ATP2B3: variants seen among roughly 807,000 people sequenced by gnomAD.
The protein encoded by ATP2B3 is ATPase plasma membrane Ca2+ transporting 3.
Under a neutral mutation model 70.8 loss-of-function variants are expected in ATP2B3, and 12 were observed. The ratio of observed to expected loss-of-function variants is 0.17; its 90% CI spans 0.11 to 0.27. ATP2B3 has a LOEUF of 0.27. Ranked by LOEUF, ATP2B3 falls within the 10% of genes least tolerant of loss-of-function variation. The pLI, the probability that ATP2B3 is intolerant of heterozygous loss-of-function variation, is 1.00. For synonymous variants in ATP2B3, 460 were observed against 497.8 expected (o/e 0.92, Z 1.01); for missense variants, 858 against 1,118.5 (o/e 0.77, Z 3.32).
chrX:153,564,579 G>C (rs1462877162), intron 20 of ATP2B3, among the ~76,000 whole-genome samples: 1 of 113,070 alleles, frequency 8.8e-6, no homozygotes, highest in East Asian at 2.8e-4. Context: ...TGGAGGATCC[G>C]CTTATCTCTG....
chrX:153,523,858 G>A (rs2089994414), intron 2 of ATP2B3, among the ~76,000 whole-genome samples: 1 of 109,468 alleles, frequency 9.1e-6, no homozygotes. Context: ...ACCACACCCG[G>A]CTAATTTTTG....
chrX:153,519,995 G>T (rs1420207693), intron 2 of ATP2B3, among the ~76,000 whole-genome samples: 1 of 110,325 alleles, frequency 9.1e-6, no homozygotes, highest in Non-Finnish European at 1.9e-5. Context: ...TCGTGAGGGT[G>T]CCTGGGGCTT....
intron 5 of ATP2B3, 98 bp downstream of exon 5, chrX:153,542,024 GT>G: frequency 1.0e-6 from 1 of 1,004,986 alleles, no homozygotes; most frequent in Non-Finnish European, 1.3e-6. Context: ...GTTCTCCCCG[GT>G]GGCCTGCGTG....
chrX:153,546,007 C>T, intron 7 of ATP2B3, 81 bp from the exon 8 acceptor site: 9 of 1,116,353 alleles, frequency 8.1e-6, no homozygotes, highest in Non-Finnish European at 1.1e-5. Flanking sequence ...AATCAGGCCC[C>T]TCCTCCCCAC....
At chrX:153,561,632 G>T (rs782243885) in intron 19 of ATP2B3, among the ~76,000 whole-genome samples, 1 of 112,064 alleles carries the variant, frequency 8.9e-6, no homozygotes, top group African/African-American at 3.2e-5. Context: ...AGCGGTTCCA[G>T]GGCATACGGG....
intron 7 of ATP2B3, 114 bp from the exon 8 acceptor site, chrX:153,545,974 G>A (rs781974353): frequency 5.1e-5 from 40 of 792,052 alleles, no homozygotes; most frequent in Admixed American, 1.3e-4. Flanking sequence ...TGGAGAGGAC[G>A]GGGCATGAAG....
Position 153,526,312 on chromosome X carries a change from G to A in ATP2B3, c.-127+7761G>A, listed in dbSNP as rs190321761. On this transcript the variant is annotated intron_variant, in intron 2 of 21. Coordinates refer to ENST00000263519, the MANE Select transcript of ATP2B3 (RefSeq NM_001001344.3). ...GTCAGGAACTGGAGGAGCAGCTGGT[G>A]GTGGGAGGGTAGGGGGAGCTGATGG... is the stretch of plus-strand genomic sequence containing the variant. Among the ~76,000 whole-genome samples the A allele has an allele frequency of 3.1e-3, 343 of 111,404 alleles. 1 individual carries two copies. Among genetic ancestry groups the A allele is most frequent in the Middle Eastern group, 0.014 (3 of 217 alleles).
At chrX:153,566,981 G>A (rs2090717067) in intron 21 of ATP2B3, among the ~76,000 whole-genome samples, 2 of 112,481 alleles carry the variant, frequency 1.8e-5, no homozygotes, top group South Asian at 7.4e-4. Flanking sequence ...GGGGTCCAAG[G>A]GGCCTCTCCA....
intron 3 of ATP2B3, among the ~76,000 whole-genome samples, chrX:153,540,340 C>T (rs1156231573): frequency 8.9e-6 from 1 of 112,452 alleles, no homozygotes; most frequent in African/African-American, 3.2e-5. Flanking sequence ...AGCACCGTGA[C>T]TCCGGTTTGG....
chrX:153,543,200 T>G (rs781902208), intron 7 of ATP2B3, 32 bp downstream of exon 7: 107 of 1,189,712 alleles, frequency 9.0e-5, no homozygotes, highest in Non-Finnish European at 1.2e-4. Flanking sequence ...TCCCTGGTGC[T>G]GGTGGCGGCT....
intron 21 of ATP2B3, among the ~76,000 whole-genome samples, chrX:153,567,451 G>A (rs2090724687): frequency 8.9e-6 from 1 of 112,907 alleles, no homozygotes; most frequent in Non-Finnish European, 1.9e-5. Flanking sequence ...CCTGGGGTGG[G>A]GGGTGAGGAC....
intron 21 of ATP2B3, among the ~76,000 whole-genome samples, chrX:153,571,638 C>T (rs1158099709): frequency 8.9e-6 from 1 of 112,479 alleles, no homozygotes; most frequent in East Asian, 2.8e-4. Flanking sequence ...TTCCTGCCTT[C>T]ATTCCGTGGC....
chrX:153,547,926 C>A lies in ATP2B3; in HGVS notation c.1050C>A (p.Ala350=). Residue 350 remains alanine (A), a synonymous_variant, in exon 9 of 22, where the codon GCC becomes GCA. Transcript: ENST00000263519. Reference sequence around the variant, plus strand: ...TGGAGGAGCGGGAGAAGAAGAAAGCCAACGCACCCAAAAAGGAGAAGTCTG... The same window carrying A: ...TGGAGGAGCGGGAGAAGAAGAAAGCAAACGCACCCAAAAAGGAGAAGTCTG... ...GEMEEREKKK[A]NAPKKEKSVL... 8.3e-7 allele frequency: 1 copy of A among 1,210,781 alleles called. No homozygotes were observed. The highest frequency in any genetic ancestry group is 1.1e-6 in the Non-Finnish European group (1 of 894,990).
intron 21 of ATP2B3, among the ~76,000 whole-genome samples, chrX:153,572,822 G>A (rs1557020278): frequency 8.9e-6 from 1 of 111,910 alleles, no homozygotes; most frequent in Non-Finnish European, 1.9e-5. Context: ...AGCTGGTCAG[G>A]GACAGCTGGT....
Position 153,536,306 on chromosome X carries a change from A to T in ATP2B3, c.59A>T (p.Asp20Val), listed in dbSNP as rs1557003930. 8.3e-7 allele frequency: 1 copy of T among 1,200,298 alleles called. No homozygotes were observed. The highest frequency in any genetic ancestry group is 2.2e-5 in the Admixed American group (1 of 44,602). Residue 20 changes from aspartate (D) to valine (V), a missense_variant, in exon 3 of 22, where the codon GAT becomes GTT. Transcript: ENST00000263519. The stretch of plus-strand genomic sequence containing the variant: ...CACCCCAAGCCCCAGCAGCAGCGGG[A>T]TGTCCCCCAGGCTGGAGGCTTTGGG... ...EFHPKPQQQR[D>V]VPQAGGFGCT...
chrX:153,547,507 C>T (rs1400552476), intron 8 of ATP2B3, among the ~76,000 whole-genome samples: 1 of 111,280 alleles, frequency 9.0e-6, no homozygotes, highest in Non-Finnish European at 1.9e-5. Context: ...GGGCCACAGG[C>T]CTCTGCTCTC....
In ATP2B3 at chrX:153,579,994, C is replaced by T. The variant is rs368275760; in HGVS notation, c.3359C>T (p.Ala1120Val). The change falls in exon 22 of 22, where the codon GCG (alanine) becomes GTG (valine). Residue 1120 changes from alanine to valine, a missense_variant. This residue lies in a region of ATP2B3 where 265 missense variants were observed against 305.3 expected (regional missense o/e 0.87). Transcript: ENST00000263519. ...CCACTCCAGATCCGGGTGGTGAAAG[C>T]GTTCCGTAGCTCGCTCTATGAAGGC... ...RIQTQIRVVK[A>V]FRSSLYEGLE... The T allele has an allele frequency of 3.3e-6, 4 of 1,205,336 alleles. No individual in the cohort carries two copies. The highest frequency in any genetic ancestry group is 1.7e-5 in the African/African-American group (1 of 57,575).
At chrX:153,543,925 G>A (rs1302919113) in intron 7 of ATP2B3, among the ~76,000 whole-genome samples, 1 of 110,382 alleles carries the variant, frequency 9.1e-6, no homozygotes, top group African/African-American at 3.3e-5. Flanking sequence ...CAGGGCCCTG[G>A]GGCCAGTGCG....
Position 153,551,159 on chromosome X carries a change from G to A in ATP2B3, c.1823+873G>A, listed in dbSNP as rs1247180172. Among the ~76,000 whole-genome samples, 11 of 112,473 alleles carry A rather than the reference G, an allele frequency of 9.8e-5. No homozygotes were observed. In the Admixed American group the frequency reaches 1.0e-3, roughly 11 times the overall value. On this transcript the variant is annotated intron_variant, in intron 12 of 21. Transcript: ENST00000263519. ...CACGAAACTGTTTTCCACAGGGGCA[G>A]CACCGTTTCACATTCCCACCAGCGA...
Sources: allele counts gnomAD v4.1 joint callset (sites outside exome capture counted in the v4.1 genomes callset), GRCh38; gene constraint gnomAD v4.1.1; regional missense constraint gnomAD v4.1.1; transcripts MANE v1.5; gene names NCBI Gene and HGNC (gene_info 2026-07-23, HGNC 2026-07-21).